RGPD6: variants seen among roughly 807,000 people sequenced by gnomAD.
RGPD6 encodes RANBP2-like and GRIP domain-containing protein 5/6.
At chr2:110,610,055 G>A in the RGPD6 span, among the ~76,000 whole-genome samples, 1 of 142,858 alleles carries the variant, frequency 7.0e-6, no homozygotes, top group Non-Finnish European at 1.5e-5. Flanking sequence ...GGGTGGGGAG[G>A]AGGAGTGCAA....
At chr2:110,600,186 G>A in the RGPD6 span, among the ~76,000 whole-genome samples, 1 of 104,084 alleles carries the variant, frequency 9.6e-6, no homozygotes, top group Non-Finnish European at 2.1e-5. Context: ...CACACAGCTA[G>A]GGCCACAGGT....
At chr2:110,604,709 T>C in the RGPD6 span, among the ~76,000 whole-genome samples, 4 of 151,098 alleles carry the variant, frequency 2.6e-5, no homozygotes, top group East Asian at 3.9e-4. Flanking sequence ...CAGGCAAATC[T>C]ATTCCAGGTT....
At chr2:110,576,901 TCCC>T (rs1229787659) in intron 1 of RGPD6, 49 bp downstream of exon 1, 1 of 16,006 alleles carries the variant, frequency 6.2e-5, no homozygotes, top group Non-Finnish European at 1.2e-4. Flanking sequence ...GCCCCCCCCC[TCCC>T]CCCCCGGCCG....
chr2:110,609,822 T>C, the RGPD6 span, among the ~76,000 whole-genome samples: 5 of 93,488 alleles, frequency 5.3e-5, 1 homozygote, highest in African/African-American at 2.1e-4. Flanking sequence ...ATTTAAGAGA[T>C]AGTGGGGGGT....
the RGPD6 span, among the ~76,000 whole-genome samples, chr2:110,610,087 G>C: frequency 4.5e-5 from 6 of 132,346 alleles, no homozygotes; most frequent in African/African-American, 1.8e-4. Flanking sequence ...TGTGAAGAAA[G>C]GGCCCAGAGG....
At chr2:110,605,296 G>A in the RGPD6 span, among the ~76,000 whole-genome samples, 234 of 151,606 alleles carry the variant, frequency 1.5e-3, 3 homozygotes, top group South Asian at 5.2e-3. Flanking sequence ...TTGCCTCCTC[G>A]TACCTGCCGA....
the RGPD6 span, among the ~76,000 whole-genome samples, chr2:110,606,293 CTCTG>C: frequency 1.5e-5 from 2 of 133,488 alleles, no homozygotes; most frequent in African/African-American, 3.0e-5. Flanking sequence ...GGTACCTCTC[CTCTG>C]TCTAATATTC....
the RGPD6 span, among the ~76,000 whole-genome samples, chr2:110,609,925 C>CA: frequency 7.4e-6 from 1 of 135,890 alleles, no homozygotes; most frequent in African/African-American, 2.9e-5. Context: ...AAACTGCTTC[C>CA]AGCGGCGATT....
chr2:110,610,849 A>T, the RGPD6 span: 1 of 1,008,234 alleles, frequency 9.9e-7, no homozygotes, highest in Non-Finnish European at 1.2e-6. Flanking sequence ...GCGCGCTGCG[A>T]CGAAAGGCGC....
chr2:110,606,908 T>C, the RGPD6 span, among the ~76,000 whole-genome samples: 2 of 151,750 alleles, frequency 1.3e-5, no homozygotes, highest in Non-Finnish European at 2.9e-5. Flanking sequence ...TCCTTTTTCA[T>C]GTGTGTTCTT....
chr2:110,597,228 G>A, the RGPD6 span, among the ~76,000 whole-genome samples: 1 of 21,330 alleles, frequency 4.7e-5, no homozygotes, highest in Non-Finnish European at 9.8e-5. Flanking sequence ...CTGACCTCAG[G>A]TGATCCACCC....
chr2:110,608,349 A>G, the RGPD6 span, among the ~76,000 whole-genome samples: 1 of 149,958 alleles, frequency 6.7e-6, no homozygotes, highest in Non-Finnish European at 1.5e-5. Context: ...CATCTATAAA[A>G]TGGAACTACT....
chr2:110,605,727 G>C, the RGPD6 span, among the ~76,000 whole-genome samples: 1 of 151,506 alleles, frequency 6.6e-6, no homozygotes, highest in Admixed American at 6.6e-5. Flanking sequence ...TCCTTAGGGA[G>C]ACTAAACTGC....
the RGPD6 span, among the ~76,000 whole-genome samples, chr2:110,604,498 G>C: frequency 7.0e-6 from 1 of 143,330 alleles, no homozygotes; most frequent in Non-Finnish European, 1.5e-5. Context: ...GTTGGGGCCA[G>C]CTGAATTCAG....
chr2:110,607,669 G>T, the RGPD6 span, among the ~76,000 whole-genome samples: 3,297 of 146,404 alleles, frequency 0.023, 64 homozygotes, highest in Middle Eastern at 0.049. Context: ...TTGTTCAATT[G>T]GAAAATGATG....
At chr2:110,593,192 T>C in the RGPD6 span, among the ~76,000 whole-genome samples, 6 of 148,312 alleles carry the variant, frequency 4.0e-5, no homozygotes, top group Admixed American at 4.0e-4. Flanking sequence ...ATCTGCATTT[T>C]ACAAATGAGA....
At chr2:110,600,553 T>A in the RGPD6 span, among the ~76,000 whole-genome samples, 2 of 9,546 alleles carry the variant, frequency 2.1e-4, no homozygotes, top group South Asian at 4.1e-3. Context: ...ATTATTACAT[T>A]GTAATCTATA....
the RGPD6 span, among the ~76,000 whole-genome samples, chr2:110,595,589 A>T: frequency 9.5e-6 from 1 of 105,812 alleles, no homozygotes; most frequent in Non-Finnish European, 2.0e-5. Flanking sequence ...TGTAAATCAG[A>T]TAGTTTATTG....
the RGPD6 span, among the ~76,000 whole-genome samples, chr2:110,591,274 C>A: frequency 7.1e-6 from 1 of 140,744 alleles, no homozygotes; most frequent in Non-Finnish European, 1.5e-5. Flanking sequence ...CCAAGAAATT[C>A]GGAAACTGAG....
Sources: allele counts gnomAD v4.1 joint callset (sites outside exome capture counted in the v4.1 genomes callset), GRCh38; gene constraint gnomAD v4.1.1; transcripts MANE v1.5; gene names NCBI Gene and HGNC (gene_info 2026-07-23, HGNC 2026-07-21).